The following TMEM63C variants were observed in gnomAD, a reference collection of about 807,000 sequenced individuals.
TMEM63C encodes the protein transmembrane protein 63C, also known as osmosensitive cation channel TMEM63C.
Under a neutral mutation model 99.2 loss-of-function variants are expected in TMEM63C, and 32 were observed. The observed-to-expected ratio is 0.32, with a 90% CI of 0.24 to 0.43. The LOEUF (loss-of-function observed/expected upper bound fraction) is 0.43, where lower values mean the gene tolerates loss of function less well. Among genes scored for constraint, TMEM63C ranks in the 20% least tolerant of loss-of-function variants. The pLI is 1.00. For synonymous variants in TMEM63C, 376 were observed against 397.9 expected (o/e 0.94, Z 0.66); for missense variants, 826 against 1,053.0 (o/e 0.78, Z 2.98).
At chr14:77,233,524 C>T (rs1420599607) in intron 8 of TMEM63C, 24 bp downstream of exon 8, 1 of 1,612,132 alleles carries the variant, frequency 6.2e-7, no homozygotes, top group South Asian at 1.1e-5. Flanking sequence ...CTTAACCTCC[C>T]ATTCCATTGG....
intron 3 of TMEM63C, among the ~76,000 whole-genome samples, 198 bp downstream of exon 3, chr14:77,219,161 G>T (rs1025738927): frequency 3.3e-5 from 5 of 152,348 alleles, no homozygotes; most frequent in African/African-American, 7.2e-5. Flanking sequence ...GAATTCCTGG[G>T]ATTCTTTTCT....
intron 15 of TMEM63C, among the ~76,000 whole-genome samples, chr14:77,243,762 T>A (rs1889220891): frequency 6.6e-6 from 1 of 152,156 alleles, no homozygotes; most frequent in African/African-American, 2.4e-5. Context: ...CACATGTGCA[T>A]GCGCACATGC....
intron 1 of TMEM63C, among the ~76,000 whole-genome samples, chr14:77,186,801 C>CTGTGTGTGTCTGTGTGTG (rs1888005471): frequency 6.8e-6 from 1 of 146,372 alleles, no homozygotes; most frequent in Non-Finnish European, 1.5e-5. Context: ...GTGTGTGTGT[C>CTGTGTGTGTCTGTGTGTG]TGTGTGTGTG....
At chr14:77,203,309 G>C (rs192818893) in intron 1 of TMEM63C, among the ~76,000 whole-genome samples, 15 of 151,770 alleles carry the variant, frequency 9.9e-5, no homozygotes, top group African/African-American at 1.9e-4. Flanking sequence ...TTGAACCCGG[G>C]GGGTGGAGAT....
intron 21 of TMEM63C, 27 bp downstream of exon 21, chr14:77,249,485 C>T: frequency 6.2e-7 from 1 of 1,610,384 alleles, no homozygotes; most frequent in Non-Finnish European, 8.5e-7. Context: ...CCTGGAGACC[C>T]CACCTCCACC....
intron 2 of TMEM63C, among the ~76,000 whole-genome samples, chr14:77,215,883 G>A (rs921903769): frequency 5.3e-5 from 8 of 151,986 alleles, no homozygotes; most frequent in Non-Finnish European, 1.2e-4. Flanking sequence ...TATTTTTCCC[G>A]TCTTAACCAC....
At chr14:77,215,604 A>AG (rs1888566009) in intron 2 of TMEM63C, among the ~76,000 whole-genome samples, 12 of 60,418 alleles carry the variant, frequency 2.0e-4, no homozygotes, top group African/African-American at 5.1e-4. Flanking sequence ...CTGTCTCAAA[A>AG]AAAAAAAAAA....
intron 5 of TMEM63C, 85 bp from the exon 6 acceptor site, chr14:77,225,339 G>A: frequency 7.2e-7 from 1 of 1,390,176 alleles, no homozygotes; most frequent in Non-Finnish European, 9.8e-7. Context: ...GGCTGCCTCA[G>A]ATGACCTGGC....
chr14:77,203,862 T>G (rs2140098872), intron 1 of TMEM63C, among the ~76,000 whole-genome samples: 1 of 152,370 alleles, frequency 6.6e-6, no homozygotes, highest in African/African-American at 2.4e-5. Flanking sequence ...CTCCTGCTGG[T>G]AGGCACCTCC....
chr14:77,191,245 G>A (rs1488811704), intron 1 of TMEM63C, among the ~76,000 whole-genome samples: 2 of 152,136 alleles, frequency 1.3e-5, no homozygotes, highest in African/African-American at 2.4e-5. Flanking sequence ...GTAGATATTT[G>A]TCAAATGATG....
Position 77,251,860 on chromosome 14 carries a change from A to G in TMEM63C, c.2110A>G (p.Ile704Val). ...TGCCATGGTGATTGCCTTTGTTGGC[A>G]TTTTTCTGGGGAAGCTTCGGATGGT... Reference protein sequence around the residue: ...LIAMVIAFVGIFLGKLRMVAD... With the variant: ...LIAMVIAFVGVFLGKLRMVAD... The change falls in exon 22 of 24, where the codon ATT becomes GTT. Residue 704 changes from isoleucine (I) to valine (V), a missense_variant. Transcript: ENST00000298351. The G allele has an allele frequency of 1.2e-6, 2 of 1,613,788 alleles. No individual in the cohort carries two copies. The highest frequency in any genetic ancestry group is 1.7e-6 in the Non-Finnish European group (2 of 1,179,860).
chr14:77,209,998 C>T (rs754553046), intron 1 of TMEM63C, among the ~76,000 whole-genome samples: 7 of 152,224 alleles, frequency 4.6e-5, no homozygotes, highest in Admixed American at 3.9e-4. Flanking sequence ...ACCAGCCTCA[C>T]GAACTGCCAC....
intron 2 of TMEM63C, among the ~76,000 whole-genome samples, chr14:77,216,333 C>T (rs1888585982): frequency 6.6e-6 from 1 of 152,142 alleles, no homozygotes; most frequent in African/African-American, 2.4e-5. Flanking sequence ...TAGATATTGG[C>T]GCACCCCGAG....
chr14:77,246,496 C>A, intron 17 of TMEM63C, 113 bp from the exon 18 acceptor site: 1 of 916,578 alleles, frequency 1.1e-6, no homozygotes, highest in South Asian at 1.6e-5. Context: ...GACTGGCCAG[C>A]TGGAATAAAG....
chr14:77,202,919 G>A (rs1489890929), intron 1 of TMEM63C, among the ~76,000 whole-genome samples: 1 of 150,454 alleles, frequency 6.6e-6, no homozygotes, highest in Non-Finnish European at 1.5e-5. Flanking sequence ...AGAGGAGAGA[G>A]AGTCCCTAAG....
chr14:77,207,590 T>C (rs1263852863), intron 1 of TMEM63C, among the ~76,000 whole-genome samples: 1 of 152,226 alleles, frequency 6.6e-6, no homozygotes, highest in Non-Finnish European at 1.5e-5. Flanking sequence ...TGCCTTTGTC[T>C]CTCTCCAGCT....
chr14:77,219,658 C>T, intron 4 of TMEM63C, 81 bp downstream of exon 4: 4 of 1,433,636 alleles, frequency 2.8e-6, no homozygotes, highest in Non-Finnish European at 2.9e-6. Context: ...CTCTGCCCAG[C>T]GCCCGAGCTG....
intron 12 of TMEM63C, 80 bp downstream of exon 12, chr14:77,239,806 T>C (rs1889132662): frequency 1.3e-6 from 2 of 1,541,714 alleles, no homozygotes; most frequent in African/African-American, 1.4e-5. Context: ...TTGCCCGCAC[T>C]GTTGGGCCCC....
At chr14:77,213,147 G>A (rs1353924098) in intron 1 of TMEM63C, among the ~76,000 whole-genome samples, 3 of 152,074 alleles carry the variant, frequency 2.0e-5, no homozygotes, top group East Asian at 1.9e-4. Flanking sequence ...TTGCCAACAC[G>A]GGTGCCTCTG....
Sources: gnomAD v4.1 joint callset for allele counts (sites outside exome capture counted in the v4.1 genomes callset) on GRCh38, gnomAD v4.1.1 for gene constraint, MANE v1.5 for transcripts, NCBI Gene and HGNC (gene_info 2026-07-23, HGNC 2026-07-21) for gene names.